The following ACBD6 variants were observed in gnomAD, a reference collection of about 807,000 sequenced individuals.
ACBD6 encodes acyl-CoA binding domain containing 6.
ACBD6 carries 28 observed loss-of-function variants against 37.2 expected under a neutral mutation model. The ratio of observed to expected loss-of-function variants is 0.75; its 90% confidence interval spans 0.56 to 1.03. ACBD6 has a LOEUF of 1.03. Among genes scored for constraint, ACBD6 ranks in the 50% least tolerant of loss-of-function variants. The pLI is 0.00. For missense variants in ACBD6, 340 were observed against 337.4 expected (o/e 1.01, Z -0.06); for synonymous variants, 113 against 126.8 (o/e 0.89, Z 0.73).
intron 6 of ACBD6, among the ~76,000 whole-genome samples, chr1:180,386,083 T>C (rs760138355): frequency 2.6e-5 from 4 of 152,108 alleles, no homozygotes; most frequent in Admixed American, 6.5e-5. Flanking sequence ...GGTTGGAGAA[T>C]AGCTTGAACC....
At chr1:180,387,091 A>G (rs1446109969) in intron 6 of ACBD6, among the ~76,000 whole-genome samples, 1 of 152,184 alleles carries the variant, frequency 6.6e-6, no homozygotes, top group Non-Finnish European at 1.5e-5. Context: ...TTCCAATAAT[A>G]ATTTCATTTT....
At chr1:180,311,945 A>G (rs1340074722) in intron 7 of ACBD6, among the ~76,000 whole-genome samples, 1 of 152,214 alleles carries the variant, frequency 6.6e-6, no homozygotes, top group Non-Finnish European at 1.5e-5. Context: ...AGCTTCTCAC[A>G]TTGTCATGTT....
intron 7 of ACBD6, among the ~76,000 whole-genome samples, chr1:180,301,674 G>A (rs1009496433): frequency 5.9e-5 from 9 of 152,006 alleles, no homozygotes; most frequent in Middle Eastern, 3.4e-3. Flanking sequence ...ATTTTGTATG[G>A]GCCCCCCTTG....
chr1:180,481,750 A>G (rs1044448418), intron 3 of ACBD6, among the ~76,000 whole-genome samples: 2 of 152,236 alleles, frequency 1.3e-5, no homozygotes, highest in African/African-American at 2.4e-5. Flanking sequence ...AATACACTCT[A>G]AGAGAGAAAT....
intron 3 of ACBD6, among the ~76,000 whole-genome samples, chr1:180,486,772 T>A (rs1426591151): frequency 1.3e-5 from 2 of 152,164 alleles, no homozygotes; most frequent in Admixed American, 1.3e-4. Context: ...AAATAGGAAC[T>A]TCATAGTAAA....
chr1:180,299,930 A>G (rs1650066906), intron 7 of ACBD6, among the ~76,000 whole-genome samples: 1 of 152,188 alleles, frequency 6.6e-6, no homozygotes, highest in Non-Finnish European at 1.5e-5. Context: ...ATAGGCACAT[A>G]AGGGTTTTAG....
At chr1:180,420,669 C>T (rs909128369) in intron 4 of ACBD6, among the ~76,000 whole-genome samples, 2 of 152,124 alleles carry the variant, frequency 1.3e-5, no homozygotes, top group Non-Finnish European at 2.9e-5. Flanking sequence ...TAGAAAGGTA[C>T]CTCCTGACTT....
At chr1:180,458,091 C>G (rs1649993544) in intron 3 of ACBD6, among the ~76,000 whole-genome samples, 1 of 152,032 alleles carries the variant, frequency 6.6e-6, no homozygotes. Context: ...CCACCATGCC[C>G]GGCCAAAAAT....
intron 3 of ACBD6, among the ~76,000 whole-genome samples, chr1:180,479,727 C>T (rs952174185): frequency 6.6e-6 from 1 of 152,076 alleles, no homozygotes; most frequent in Admixed American, 6.5e-5. Context: ...ATGGCAGGTA[C>T]GCCTGTAATC....
chr1:180,453,043 G>A (rs1649775211), intron 3 of ACBD6, among the ~76,000 whole-genome samples: 1 of 152,182 alleles, frequency 6.6e-6, no homozygotes, highest in South Asian at 2.1e-4. Flanking sequence ...AGAAAAAGAG[G>A]TAAACCTCCC....
chr1:180,468,172 T>A (rs1285841955), intron 3 of ACBD6, among the ~76,000 whole-genome samples: 1 of 152,154 alleles, frequency 6.6e-6, no homozygotes, highest in East Asian at 1.9e-4. Flanking sequence ...AAAAAAGGAA[T>A]CATCTGCCAG....
At position 180,408,475 on chromosome 1, in the gene ACBD6, C is replaced by A. The variant is rs1446783172; in HGVS notation, c.573+4891G>T. Among the ~76,000 whole-genome samples the A allele has an allele frequency of 4.0e-5, 6 of 151,892 alleles. No individual in the cohort carries two copies. In the East Asian group the frequency reaches 1.2e-3, roughly 29 times the overall value. On this transcript the variant is annotated intron_variant, in intron 5 of 7. Transcript: ENST00000367595. Reference sequence around the variant, plus strand: ...ATAGGTGGGAATTGAACAATGAGAACACATGGACATAGGAAGGGGAACATC... The same window carrying A: ...ATAGGTGGGAATTGAACAATGAGAAAACATGGACATAGGAAGGGGAACATC...
chr1:180,440,061 A>G (rs1649217773), intron 3 of ACBD6, among the ~76,000 whole-genome samples: 1 of 152,068 alleles, frequency 6.6e-6, no homozygotes, highest in Non-Finnish European at 1.5e-5. Flanking sequence ...AGTTCAGTTC[A>G]GTTGGCAATG....
intron 6 of ACBD6, among the ~76,000 whole-genome samples, chr1:180,391,675 G>A (rs1318658804): frequency 6.6e-6 from 1 of 152,162 alleles, no homozygotes; most frequent in African/African-American, 2.4e-5. Flanking sequence ...AGGATGTGGA[G>A]AAACTAGAAC....
chr1:180,391,537 G>A (rs1280830599), intron 6 of ACBD6, among the ~76,000 whole-genome samples: 1 of 151,884 alleles, frequency 6.6e-6, no homozygotes, highest in Non-Finnish European at 1.5e-5. Flanking sequence ...AATGACCAAT[G>A]AGTACATGAA....
At chr1:180,474,341 C>T (rs1311070445) in intron 3 of ACBD6, among the ~76,000 whole-genome samples, 3 of 152,040 alleles carry the variant, frequency 2.0e-5, no homozygotes, top group Non-Finnish European at 4.4e-5. Context: ...TTCATACTTG[C>T]TTTTAAAAGG....
chr1:180,360,829 A>T (rs1317339434), intron 6 of ACBD6, among the ~76,000 whole-genome samples: 1 of 152,192 alleles, frequency 6.6e-6, no homozygotes, highest in Non-Finnish European at 1.5e-5. Flanking sequence ...AGTCTGGTAC[A>T]CTGTTTTTAT....
chr1:180,425,886 T>C (rs1298534946), intron 4 of ACBD6, among the ~76,000 whole-genome samples: 1 of 152,204 alleles, frequency 6.6e-6, no homozygotes, highest in Non-Finnish European at 1.5e-5. Flanking sequence ...AACAATCACT[T>C]TCATTCTAAT....
At chr1:180,392,592 T>G (rs1156966115) in intron 6 of ACBD6, among the ~76,000 whole-genome samples, 1 of 152,134 alleles carries the variant, frequency 6.6e-6, no homozygotes, top group Non-Finnish European at 1.5e-5. Flanking sequence ...GAGCATAATA[T>G]ATGCACATTA....
Sources: allele counts gnomAD v4.1 joint callset (sites outside exome capture counted in the v4.1 genomes callset), GRCh38; gene constraint gnomAD v4.1.1; transcripts MANE v1.5; gene names NCBI Gene and HGNC (gene_info 2026-07-23, HGNC 2026-07-21).